NHERF2: variants seen among roughly 807,000 people sequenced by gnomAD.
The protein encoded by NHERF2 is NHERF family PDZ scaffold protein 2.
At chr16:2,036,014 C>G in the NHERF2 span, 1 of 385,572 alleles carries the variant, frequency 2.6e-6, no homozygotes, top group Non-Finnish European at 4.7e-6. Context: ...CAGTTCATCC[C>G]ACCTGGTGCT....
chr16:2,032,378 C>T, the NHERF2 span, among the ~76,000 whole-genome samples: 1 of 152,246 alleles, frequency 6.6e-6, no homozygotes, highest in African/African-American at 2.4e-5. This position sits in a 1 kb window ranked among gnomAD's most constrained non-coding sequence, Gnocchi z 4.0. Context: ...GTGGGCCTCA[C>T]CTGACCTCCA....
the NHERF2 span, among the ~76,000 whole-genome samples, chr16:2,031,439 C>T: frequency 6.6e-6 from 1 of 152,318 alleles, no homozygotes; most frequent in African/African-American, 2.4e-5. Context: ...TTGATTTGGA[C>T]ACAAACGCAT....
At chr16:2,036,833 G>A in the NHERF2 span, 1 of 1,613,120 alleles carries the variant, frequency 6.2e-7, no homozygotes, top group South Asian at 1.1e-5. Context: ...CGAGACAGAT[G>A]AACACTTCAA....
At chr16:2,036,312 T>C in the NHERF2 span, 1 of 1,599,846 alleles carries the variant, frequency 6.3e-7, no homozygotes, top group African/African-American at 1.3e-5. Context: ...ACCCTGTCCG[T>C]TGGGCCTGCA....
the NHERF2 span, chr16:2,032,939 CG>C: frequency 1.8e-6 from 2 of 1,085,902 alleles, no homozygotes; most frequent in Admixed American, 4.9e-5. This position sits in a 1 kb window ranked among gnomAD's most constrained non-coding sequence, Gnocchi z 4.0. Flanking sequence ...GACAGTTCTG[CG>C]GGAGGCGGCT....
At chr16:2,037,073 C>G in the NHERF2 span, 8 of 1,503,620 alleles carry the variant, frequency 5.3e-6, no homozygotes, top group South Asian at 4.8e-5. Context: ...CCCCTTCTCC[C>G]TGGAGATCCG....
the NHERF2 span, chr16:2,029,472 G>C: frequency 1.9e-6 from 2 of 1,048,556 alleles, no homozygotes; most frequent in South Asian, 3.0e-5. Flanking sequence ...ACCCGCCCAT[G>C]CAGACCAGCC....
chr16:2,029,108 G>T, the NHERF2 span, among the ~76,000 whole-genome samples: 2 of 152,212 alleles, frequency 1.3e-5, no homozygotes, highest in Non-Finnish European at 2.9e-5. Flanking sequence ...ACGGGAATGG[G>T]CACAGACACA....
At chr16:2,034,724 A>C in the NHERF2 span, among the ~76,000 whole-genome samples, 2 of 94,018 alleles carry the variant, frequency 2.1e-5, no homozygotes, top group Admixed American at 2.1e-4. Flanking sequence ...CCCCTCCCGA[A>C]CTGGGCTCCT....
the NHERF2 span, chr16:2,037,062 C>A: frequency 2.6e-6 from 4 of 1,519,760 alleles, no homozygotes; most frequent in African/African-American, 4.1e-5. Context: ...CCGACAGAGG[C>A]CCCCTTCTCC....
At chr16:2,033,928 A>G in the NHERF2 span, among the ~76,000 whole-genome samples, 2 of 152,272 alleles carry the variant, frequency 1.3e-5, no homozygotes, top group East Asian at 3.9e-4. Context: ...CCTGCTGACA[A>G]TGAAGGGGTT....
chr16:2,026,927 C>G, the NHERF2 span: 1 of 496,192 alleles, frequency 2.0e-6, no homozygotes, highest in Non-Finnish European at 2.6e-6. Flanking sequence ...CTGAAGCCAC[C>G]GCCGGGTGCC....
At chr16:2,031,971 T>G in the NHERF2 span, among the ~76,000 whole-genome samples, 1 of 151,822 alleles carries the variant, frequency 6.6e-6, no homozygotes, top group East Asian at 1.9e-4. Context: ...GGATTACAGG[T>G]GTGAGCCACT....
chr16:2,034,809 TC>T, the NHERF2 span, among the ~76,000 whole-genome samples: 1 of 150,374 alleles, frequency 6.7e-6, no homozygotes, highest in African/African-American at 2.4e-5. Context: ...TGGACTCCTG[TC>T]CCCACGCCTT....
At chr16:2,033,531 G>C in the NHERF2 span, 2 of 1,277,390 alleles carry the variant, frequency 1.6e-6, no homozygotes, top group Non-Finnish European at 2.1e-6. Flanking sequence ...ATGTAAGCAG[G>C]CTGGTCGCTG....
the NHERF2 span, chr16:2,036,474 G>T: frequency 1.3e-6 from 2 of 1,599,240 alleles, no homozygotes; most frequent in Non-Finnish European, 1.7e-6. Context: ...CGCCCGCTCT[G>T]GCCTCCGCGC....
chr16:2,028,612 G>C, the NHERF2 span, among the ~76,000 whole-genome samples: 1 of 152,182 alleles, frequency 6.6e-6, no homozygotes, highest in African/African-American at 2.4e-5. Context: ...CTGGGCACTG[G>C]GTTCCTCTTG....
the NHERF2 span, chr16:2,027,349 CCCGG>C: frequency 2.1e-6 from 1 of 479,486 alleles, no homozygotes; most frequent in Non-Finnish European, 3.3e-6. Flanking sequence ...GAGGCAGCGG[CCCGG>C]CGCCTTCGGA....
At chr16:2,036,303 C>T in the NHERF2 span, 1 of 1,592,468 alleles carries the variant, frequency 6.3e-7, no homozygotes, top group Non-Finnish European at 8.6e-7. Flanking sequence ...AAGAGACTGA[C>T]CCTGTCCGTT....
Sources: gnomAD v4.1 joint callset for allele counts (sites outside exome capture counted in the v4.1 genomes callset) on GRCh38, gnomAD v4.1.1 for gene constraint, Gnocchi (gnomAD v3.1) non-coding constraint, MANE v1.5 for transcripts, NCBI Gene and HGNC (gene_info 2026-07-23, HGNC 2026-07-21) for gene names.